RAB4B: variants seen among roughly 807,000 people sequenced by gnomAD.
RAB4B encodes the protein RAB4B, member RAS oncogene family.
A neutral mutation model predicts 28.3 loss-of-function variants in RAB4B; 15 were observed. The observed-to-expected ratio is 0.53, with a 90% CI of 0.35 to 0.82. RAB4B has a LOEUF of 0.82. RAB4B is among the 40% of genes least tolerant of loss of function. The probability of loss-of-function intolerance (pLI) is 0.01; values close to 1 mark genes in which losing one functional copy is unlikely to be tolerated. For missense variants in RAB4B, 244 were observed against 288.5 expected, an observed-to-expected ratio of 0.85 and a Z score of 1.12; for synonymous variants, 108 against 116.3, an observed-to-expected ratio of 0.93 and a Z score of 0.46.
At chr19:40,784,605 C>T (rs1359563633) in intron 5 of RAB4B, among the ~76,000 whole-genome samples, 2 of 152,160 alleles carry the variant, frequency 1.3e-5, no homozygotes, top group Non-Finnish European at 2.9e-5. Context: ...CACAGTGTTT[C>T]TGCCCCACAG....
intron 7 of RAB4B, among the ~76,000 whole-genome samples, chr19:40,789,500 C>CG: frequency 9.3e-6 from 1 of 107,828 alleles, no homozygotes; most frequent in Non-Finnish European, 2.1e-5. Context: ...CCACGCCCAG[C>CG]CTTTTTTTTT....
In RAB4B at chr19:40,794,324, G is replaced by C. The variant is rs2042518676; in HGVS notation, c.*16-2246G>C. Among the ~76,000 whole-genome samples, 6 of 151,198 alleles carry C rather than the reference G, an allele frequency of 4.0e-5. 1 individual carries two copies. The highest frequency in any genetic ancestry group is 3.9e-4 in the Admixed American group (6 of 15,190). ...ACTCCTGACCTCAGGTGATCCGTCTGTCAGCCTCCCAAAGTGTTGGGATTA... is the reference window on the plus strand; with the variant it reads ...ACTCCTGACCTCAGGTGATCCGTCTCTCAGCCTCCCAAAGTGTTGGGATTA... On this transcript the variant is annotated intron_variant, in intron 7 of 7. Coordinates refer to ENST00000357052, the MANE Select transcript of RAB4B (RefSeq NM_016154.5).
rs2083014153 is a variant in RAB4B, at chr19:40,778,295, G to T, written c.-81G>T. The T allele has an allele frequency of 7.2e-7, 1 of 1,388,010 alleles. No individual in the cohort carries two copies. Among genetic ancestry groups the T allele is most frequent in the Non-Finnish European group, 9.6e-7 (1 of 1,039,306 alleles). The allele number at this position is 1,388,010 out of a possible 1,614,324, so 86.0% of individuals were successfully genotyped here. ...GGAGTAGGAAGGAGCCGGGGCTGTA[G>T]CCGGAGTGGAGCGGCTGCCAGCCGA... On this transcript the variant is annotated 5_prime_UTR_variant, in exon 1 of 8. Coordinates refer to ENST00000357052, the MANE Select transcript of RAB4B (RefSeq NM_016154.5).
intron 7 of RAB4B, among the ~76,000 whole-genome samples, chr19:40,788,480 TTAAAAA>T (rs1183056788): frequency 2.6e-5 from 2 of 76,108 alleles, no homozygotes; most frequent in East Asian, 3.3e-4. Context: ...AGCGAGACTC[TTAAAAA>T]AAAAAAAAAA....
chr19:40,793,769 C>G (rs2083182376), intron 7 of RAB4B, among the ~76,000 whole-genome samples: 1 of 150,752 alleles, frequency 6.6e-6, no homozygotes, highest in Admixed American at 6.6e-5. Flanking sequence ...ACTAAAAATA[C>G]AAAAGTTAGC....
chr19:40,791,245 C>A (rs2083156762), intron 7 of RAB4B, among the ~76,000 whole-genome samples: 1 of 152,202 alleles, frequency 6.6e-6, no homozygotes, highest in African/African-American at 2.4e-5. Context: ...CCGCCTTGGC[C>A]TCCCAAAGTG....
At chr19:40,783,293 GT>G (rs779342182) in intron 3 of RAB4B, among the ~76,000 whole-genome samples, 1 of 151,874 alleles carries the variant, frequency 6.6e-6, no homozygotes, top group Non-Finnish European at 1.5e-5. Flanking sequence ...AATTAGCCAG[GT>G]GTGGTGGTGC....
At chr19:40,784,104 G>C in intron 5 of RAB4B, 29 bp downstream of exon 5, 1 of 1,584,216 alleles carries the variant, frequency 6.3e-7, no homozygotes, top group South Asian at 1.1e-5. Flanking sequence ...ACCAGGTGGT[G>C]GTGGGGGTGG....
intron 3 of RAB4B, among the ~76,000 whole-genome samples, chr19:40,783,006 C>T (rs562272056): frequency 2.6e-5 from 4 of 151,702 alleles, no homozygotes; most frequent in South Asian, 2.1e-4. Flanking sequence ...GATGTGGTGG[C>T]GTGCATCTGT....
At chr19:40,782,914 G>A (rs925377425) in intron 3 of RAB4B, among the ~76,000 whole-genome samples, 4 of 151,764 alleles carry the variant, frequency 2.6e-5, no homozygotes, top group African/African-American at 9.7e-5. Context: ...CAAGGTGGGC[G>A]GATCACTTGA....
Position 40,780,236 on chromosome 19 carries a change from G to A in RAB4B, c.97+137G>A, listed in dbSNP as rs184476652. On this transcript the variant is annotated intron_variant, in intron 2 of 7. Transcript: ENST00000357052. ...CTGGCTTTTTGGTCCTTGCTTTGTC[G>A]TATGTCCTTTACTAGGTTCTCCTTG... 2.3e-4 allele frequency: 339 copies of A among 1,460,180 alleles called. 1 individual carries two copies. The highest frequency in any genetic ancestry group is 2.3e-4 in the Non-Finnish European group (254 of 1,083,992). 90.5% of individuals were successfully genotyped at this position (1,460,180 alleles called of 1,614,324 possible). A position where few individuals can be genotyped will look rare whatever the true frequency, so the allele number is the denominator to read the frequency against.
At chr19:40,789,146 T>C (rs2083132613) in intron 7 of RAB4B, among the ~76,000 whole-genome samples, 1 of 151,936 alleles carries the variant, frequency 6.6e-6, no homozygotes. Flanking sequence ...CCACCCACTC[T>C]TGGCCTACTA....
chr19:40,791,979 T>TC, intron 7 of RAB4B, among the ~76,000 whole-genome samples: 1 of 152,262 alleles, frequency 6.6e-6, no homozygotes, highest in South Asian at 2.1e-4. Flanking sequence ...TTTGGTCCCA[T>TC]CCCTCCTTCT....
At chr19:40,786,630 C>G in intron 5 of RAB4B, 35 bp from the exon 6 acceptor site, 1 of 1,612,400 alleles carries the variant, frequency 6.2e-7, no homozygotes, top group South Asian at 1.1e-5. Flanking sequence ...TGGGGACTAA[C>G]TGGGGCCCTG....
At chr19:40,778,843 G>C (rs886505498) in intron 1 of RAB4B, among the ~76,000 whole-genome samples, 23 of 152,122 alleles carry the variant, frequency 1.5e-4, no homozygotes, top group African/African-American at 5.6e-4. Flanking sequence ...TTAGGGGCAG[G>C]ACTTAGTGGC....
intron 7 of RAB4B, among the ~76,000 whole-genome samples, chr19:40,787,843 TC>T (rs2083116014): frequency 6.6e-6 from 1 of 150,434 alleles, no homozygotes. Context: ...ATGCCTATAG[TC>T]CCAGCTACTT....
At chr19:40,779,674 T>G (rs1599737762) in intron 1 of RAB4B, 1 of 252,160 alleles carries the variant, frequency 4.0e-6, no homozygotes, top group African/African-American at 2.3e-5. Context: ...ACCTGGGAGG[T>G]GGAGGTTGCG....
chr19:40,783,980 C>A lies in RAB4B; in HGVS notation c.335C>A (p.Pro112His). The A allele has an allele frequency of 1.2e-6, 2 of 1,614,102 alleles. No individual in the cohort carries two copies. Among genetic ancestry groups the A allele is most frequent in the Non-Finnish European group, 1.7e-6 (2 of 1,179,956 alleles). ...WLTDARTLASPNIVVILCGNK... is the reference protein window; with the variant it reads ...WLTDARTLASHNIVVILCGNK... ...ACGGATGCCCGCACCCTGGCCAGCC[C>A]CAACATCGTGGTCATCCTCTGTGGC... Residue 112 changes from proline (P) to histidine (H), a missense_variant, in exon 5 of 8, where the codon CCC (proline) becomes CAC (histidine). By Grantham distance (77) the Pro-to-His change is moderately conservative. Transcript: ENST00000357052.
intron 7 of RAB4B, among the ~76,000 whole-genome samples, chr19:40,787,961 CAAAAAAAAAAAAA>C (rs56997006): frequency 2.9e-5 from 2 of 69,468 alleles, no homozygotes; most frequent in Non-Finnish European, 2.7e-5. Flanking sequence ...GACTCTGTCT[CAAAAAAAAAAAAA>C]AAAAAAAAAA....
Sources: allele counts gnomAD v4.1 joint callset (sites outside exome capture counted in the v4.1 genomes callset), GRCh38; gene constraint gnomAD v4.1.1; transcripts MANE v1.5; gene names NCBI Gene and HGNC (gene_info 2026-07-23, HGNC 2026-07-21).